The following CD274 variants were observed in gnomAD, a reference collection of about 807,000 sequenced individuals.
The protein encoded by CD274 is programmed cell death 1 ligand 1.
In CD274, 8 loss-of-function variants were observed where a neutral mutation model predicts 30.1. The ratio of observed to expected loss-of-function variants is 0.27; its 90% CI spans 0.16 to 0.48. The LOEUF is 0.48. CD274 is among the 20% of genes least tolerant of loss of function. The probability of loss-of-function intolerance (pLI) is 0.99; values close to 1 mark genes in which losing one functional copy is unlikely to be tolerated. For missense variants in CD274, 353 were observed against 346.6 expected (o/e 1.02, Z -0.15); for synonymous variants, 152 against 124.6 (o/e 1.22, Z -1.46).
chr9:5,455,555 T>C (rs963978634), intron 1 of CD274, among the ~76,000 whole-genome samples: 14 of 151,954 alleles, frequency 9.2e-5, no homozygotes, highest in Non-Finnish European at 1.8e-4. Context: ...TTAGAATAAG[T>C]GAGAGGGGCA....
rs373293916 is a variant in CD274, at chr9:5,456,186, A to G, written c.52+21A>G. 20 of 1,501,524 alleles carry G rather than the reference A, an allele frequency of 1.3e-5. No homozygotes were observed. The East Asian group carries it at 3.8e-4, about 29-fold the overall frequency. The allele number at this position is 1,501,524 out of a possible 1,614,324, so 93.0% of individuals were successfully genotyped here. A position where few individuals can be genotyped will look rare whatever the true frequency, so the allele number is the denominator to read the frequency against. On this transcript the variant is annotated intron_variant, in intron 2 of 6. Transcript: ENST00000381577. ...GAACGGTAAGACACCAAATCCTTCC[A>G]TTAGGTTCTATATTTTAAATATTTT...
intron 4 of CD274, among the ~76,000 whole-genome samples, chr9:5,464,670 G>A (rs1488953604): frequency 3.3e-5 from 5 of 152,168 alleles, no homozygotes; most frequent in Non-Finnish European, 7.3e-5. Context: ...AACAAGCATT[G>A]GCCTCCAATC....
intron 3 of CD274, among the ~76,000 whole-genome samples, chr9:5,462,465 C>A (rs1377864206): frequency 2.0e-5 from 3 of 152,278 alleles, no homozygotes; most frequent in Middle Eastern, 6.8e-3. Context: ...AAAGATAATT[C>A]TCTTTAAATT....
intron 3 of CD274, among the ~76,000 whole-genome samples, chr9:5,461,162 C>T (rs1819397081): frequency 6.6e-6 from 1 of 152,004 alleles, no homozygotes; most frequent in Non-Finnish European, 1.5e-5. Flanking sequence ...TTTTATATAA[C>T]ACTGCGAGGT....
intron 3 of CD274, 30 bp from the exon 4 acceptor site, chr9:5,462,804 A>C: frequency 6.3e-7 from 1 of 1,599,236 alleles, no homozygotes; most frequent in Non-Finnish European, 8.5e-7. Flanking sequence ...GCTCAGCAAA[A>C]GCCCTGACTT....
rs752564466 is a variant in CD274 at position 5,469,741 on chromosome 9, A to C, written c.*1879A>C. On this transcript the variant is annotated 3_prime_UTR_variant, in exon 7 of 7. Transcript: ENST00000381577. ...CCATTTGTTAAGTATTTGCTCTAGG[A>C]CAGAGTTTGGATTTGTTTATGTTTG... The C allele has an allele frequency of 1.5e-4, 36 of 232,592 alleles. No homozygotes were observed. Among genetic ancestry groups the C allele is most frequent in the Non-Finnish European group, 2.7e-4 (32 of 117,740 alleles). 14.4% of individuals were successfully genotyped at this position (232,592 alleles called of 1,614,324 possible).
At chr9:5,466,690 A>G in intron 5 of CD274, 80 bp from the exon 6 acceptor site, 1 of 1,033,906 alleles carries the variant, frequency 9.7e-7, no homozygotes, top group Non-Finnish European at 1.5e-6. Context: ...GTTTCACAGA[A>G]CTTGAAATTT....
rs148242519 is a variant in CD274, at chr9:5,467,925, G to A, written c.*63G>A. ...TCAACCTGTGGTTTAGGGGTTCATC[G>A]GGGCTGAGCGTGACAAGAGGAAGGA... On this transcript the variant is annotated 3_prime_UTR_variant, in exon 7 of 7. Transcript: ENST00000381577. 1.6e-3 allele frequency: 2,277 copies of A among 1,411,468 alleles called. 44 individuals are homozygous for A. The African/African-American group carries it at 0.029, about 18-fold the overall frequency. 87.4% of individuals were successfully genotyped at this position (1,411,468 alleles called of 1,614,324 possible).
rs1271805103 is a variant in CD274 at position 5,461,219 on chromosome 9, A to C, written c.395-1615A>C. Reference sequence around the variant, plus strand: ...ACCACCTCATACAGTGGCCGATAAAAAGTGTCACTTCTGCTGTTTCCTCTG... The same window carrying C: ...ACCACCTCATACAGTGGCCGATAAACAGTGTCACTTCTGCTGTTTCCTCTG... On this transcript the variant is annotated intron_variant, in intron 3 of 6. Transcript: ENST00000381577. 2.0e-5 allele frequency among the ~76,000 whole-genome samples: 3 copies of C among 152,254 alleles called. No individual in the cohort carries two copies. The Middle Eastern group carries it at 0.01, about 518-fold the overall frequency.
chr9:5,464,521 G>T (rs538425027), intron 4 of CD274, among the ~76,000 whole-genome samples: 49 of 152,266 alleles, frequency 3.2e-4, no homozygotes, highest in South Asian at 1.7e-3. Flanking sequence ...AGGGTGAGAG[G>T]TGGGAGTTAG....
At chr9:5,457,041 T>G (rs1819316446) in intron 2 of CD274, 38 bp from the exon 3 acceptor site, 1 of 1,442,992 alleles carries the variant, frequency 6.9e-7, no homozygotes, top group Middle Eastern at 2.0e-4. Flanking sequence ...TTTCGAGGAA[T>G]TTTCCCTTTT....
Position 5,464,267 on chromosome 9 carries a change from A to G in CD274, c.682+1146A>G, listed in dbSNP as rs189021659. Among the ~76,000 whole-genome samples the G allele has an allele frequency of 7.2e-5, 11 of 152,298 alleles. No individual in the cohort carries two copies. In the East Asian group the frequency reaches 1.9e-3, roughly 27 times the overall value. On this transcript the variant is annotated intron_variant, in intron 4 of 6. Transcript: ENST00000381577. ...ACAACTTACTTGTTGGGTGGCCTAC[A>G]GTAACTCACCTAACTGCACTGAGTC...
At chr9:5,466,459 G>GA (rs967783662) in intron 5 of CD274, among the ~76,000 whole-genome samples, 9 of 151,872 alleles carry the variant, frequency 5.9e-5, no homozygotes, top group African/African-American at 1.9e-4. Context: ...TATTTCTCTG[G>GA]AAAAAAAGAT....
intron 6 of CD274, among the ~76,000 whole-genome samples, 174 bp downstream of exon 6, chr9:5,467,003 G>C (rs1355157329): frequency 6.6e-6 from 1 of 152,058 alleles, no homozygotes; most frequent in Admixed American, 6.6e-5. Flanking sequence ...TTTAGGAGCA[G>C]GGAAGGGGAA....
rs1442737569 is a variant in CD274, at chr9:5,468,358, G to A, written c.*496G>A. The A allele has an allele frequency of 4.2e-6, 1 of 235,782 alleles. No homozygotes were observed. The highest frequency in any genetic ancestry group is 2.2e-5 in the African/African-American group (1 of 45,380). 14.6% of individuals were successfully genotyped at this position (235,782 alleles called of 1,614,324 possible). On this transcript the variant is annotated 3_prime_UTR_variant, in exon 7 of 7. Coordinates refer to ENST00000381577, the MANE Select transcript of CD274 (RefSeq NM_014143.4). ...TCTGTGAGGTCTTCTTGTCATGTGA[G>A]TGTGGTTGTGAATGATTTCTTTTGA...
At position 5,462,858 on chromosome 9, in the gene CD274, G is replaced by C. The variant is rs747598352; in HGVS notation, c.419G>C (p.Arg140Thr). ...GCCCCATACAACAAAATCAACCAAA[G>C]AATTTTGGTTGTGGATCCAGTCACC... is the stretch of plus-strand genomic sequence containing the variant. Reference protein sequence around the residue: ...VNAPYNKINQRILVVDPVTSE... With the variant: ...VNAPYNKINQTILVVDPVTSE... Residue 140 changes from arginine (R) to threonine (T), a missense_variant, in exon 4 of 7, where the codon AGA becomes ACA. By Grantham distance (71) the Arg-to-Thr change is moderately conservative (BLOSUM62 -1). Coordinates refer to ENST00000381577, the MANE Select transcript of CD274 (RefSeq NM_014143.4). 1 of 1,613,582 alleles carries C rather than the reference G, an allele frequency of 6.2e-7. No homozygotes were observed. The highest frequency in any genetic ancestry group is 1.7e-5 in the Admixed American group (1 of 59,980).
At chr9:5,453,812 C>G (rs1463615271) in intron 1 of CD274, among the ~76,000 whole-genome samples, 1 of 152,206 alleles carries the variant, frequency 6.6e-6, no homozygotes, top group Non-Finnish European at 1.5e-5. Context: ...GGCTGTATGT[C>G]TTTGCTGTGG....
Position 5,465,730 on chromosome 9 carries a change from C to A in CD274, c.790+124C>A, listed in dbSNP as rs1819487686. ...GGTGCAAAGGCATTCCACTGTTCAA[C>A]AGCAATTATATTGAAGCTGAGTGGG... is the stretch of plus-strand genomic sequence containing the variant. On this transcript the variant is annotated intron_variant, in intron 5 of 6. Coordinates refer to ENST00000381577, the MANE Select transcript of CD274 (RefSeq NM_014143.4). 4.9e-6 allele frequency: 3 copies of A among 618,200 alleles called. No homozygotes were observed. The Admixed American group carries it at 8.1e-5, about 17-fold the overall frequency. The allele number at this position is 618,200 out of a possible 1,614,324, so 38.3% of individuals were successfully genotyped here.
chr9:5,450,845 T>G (rs989420962), intron 1 of CD274, among the ~76,000 whole-genome samples: 2 of 152,162 alleles, frequency 1.3e-5, no homozygotes, highest in African/African-American at 4.8e-5. Flanking sequence ...CCTCTAAAAA[T>G]AAATAAGATA....
Sources: allele counts gnomAD v4.1 joint callset (sites outside exome capture counted in the v4.1 genomes callset), GRCh38; gene constraint gnomAD v4.1.1; transcripts MANE v1.5; gene names NCBI Gene and HGNC (gene_info 2026-07-23, HGNC 2026-07-21).